AADACL4: variants seen among roughly 807,000 people sequenced by gnomAD.
AADACL4 encodes the protein arylacetamide deacetylase like 4.
A neutral mutation model predicts 14.1 loss-of-function variants in AADACL4; 9 were observed. The ratio of observed to expected loss-of-function variants is 0.64; its 90% CI spans 0.39 to 1.12. AADACL4 has a LOEUF of 1.12. Ranked by LOEUF, AADACL4 falls within the 50% of genes most tolerant of loss-of-function variation. The pLI is 0.01. For missense variants in AADACL4, 531 were observed against 516.1 expected, an observed-to-expected ratio of 1.03 and a Z score of -0.28; for synonymous variants, 188 against 201.6, an observed-to-expected ratio of 0.93 and a Z score of 0.57.
intron 1 of AADACL4, 37 bp downstream of exon 1, chr1:12,644,751 C>T (rs761601229): frequency 6.3e-7 from 1 of 1,599,886 alleles, no homozygotes; most frequent in South Asian, 1.1e-5. Flanking sequence ...AACCTGGGGG[C>T]TTCTTCTCTT....
intron 2 of AADACL4, among the ~76,000 whole-genome samples, chr1:12,651,641 A>G (rs1647148953): frequency 6.6e-6 from 1 of 151,854 alleles, no homozygotes; most frequent in Non-Finnish European, 1.5e-5. Flanking sequence ...ACTCCTAGTC[A>G]TTGGCCTGCC....
intron 1 of AADACL4, among the ~76,000 whole-genome samples, chr1:12,648,343 C>T (rs114967449): frequency 0.021 from 2,777 of 132,534 alleles, 86 homozygotes; most frequent in African/African-American, 0.08. Context: ...TTCTGGACCT[C>T]AGATCCTTCC....
At chr1:12,647,343 C>T (rs1007384115) in intron 1 of AADACL4, among the ~76,000 whole-genome samples, 1 of 152,174 alleles carries the variant, frequency 6.6e-6, no homozygotes, top group African/African-American at 2.4e-5. Flanking sequence ...AAGCAATCCT[C>T]CTGCCTTGGC....
intron 1 of AADACL4, among the ~76,000 whole-genome samples, chr1:12,646,678 C>T (rs1366106771): frequency 6.6e-6 from 1 of 152,200 alleles, no homozygotes; most frequent in African/African-American, 2.4e-5. Flanking sequence ...GTCAGTGTTT[C>T]TCCTCAAAAG....
intron 2 of AADACL4, among the ~76,000 whole-genome samples, chr1:12,659,433 C>T (rs75854823): frequency 0.039 from 5,858 of 152,142 alleles, 365 homozygotes; most frequent in African/African-American, 0.13. Context: ...AGGTGAGGGC[C>T]GGGGCTAGAG....
In AADACL4 at chr1:12,644,686, A is replaced by G. The variant is rs1238718904; in HGVS notation, c.140A>G (p.His47Arg). Residue 47 changes from histidine to arginine, a missense_variant, in exon 1 of 4, where the codon CAT (histidine) becomes CGT (arginine). Physicochemically the swap from His to Arg is conservative, Grantham distance 29. Transcript: ENST00000376221. Reference protein sequence around the residue: ...LQHPAKLRFLHCIFLYLVTLG... With the variant: ...LQHPAKLRFLRCIFLYLVTLG... The stretch of plus-strand genomic sequence containing the variant: ...CATCCTGCCAAGTTGAGATTCCTGC[A>G]TTGCATATTCCTCTACCTGGTCACT... 1 of 1,613,900 alleles carries G rather than the reference A, an allele frequency of 6.2e-7. No homozygotes were observed. The highest frequency in any genetic ancestry group is 1.3e-5 in the African/African-American group (1 of 74,882).
Position 12,666,835 on chromosome 1 carries a change from A to G in AADACL4, c.*100A>G, listed in dbSNP as rs1647352772. 3.3e-5 allele frequency: 42 copies of G among 1,255,036 alleles called. No individual in the cohort carries two copies. The South Asian group carries it at 5.6e-4, about 17-fold the overall frequency. The allele number at this position is 1,255,036 out of a possible 1,614,324, so 77.7% of individuals were successfully genotyped here. A position where few individuals can be genotyped will look rare whatever the true frequency, so the allele number is the denominator to read the frequency against. On this transcript the variant is annotated 3_prime_UTR_variant, in exon 4 of 4. Coordinates refer to ENST00000376221, the MANE Select transcript of AADACL4 (RefSeq NM_001013630.2). ...ATTTTATTGACTAAAGAGGTGCTAC[A>G]TCAATGCTTGGGGCAGCTGGGAAGG...
rs781458032 is a variant in AADACL4 at position 12,665,942 on chromosome 1, C to G, written c.450-19C>G. On this transcript the variant is annotated intron_variant, in intron 3 of 3. Coordinates refer to ENST00000376221, the MANE Select transcript of AADACL4 (RefSeq NM_001013630.2). ...CACTGTCCACACTGGTGTAGTGTTG[C>G]TCCCTGTTTTCGTTTTAGGTACCGC... 9.4e-6 allele frequency: 15 copies of G among 1,589,036 alleles called. No individual in the cohort carries two copies. In the East Asian group the frequency reaches 2.9e-4, roughly 31 times the overall value.
At chr1:12,651,039 C>G (rs544917975) in intron 1 of AADACL4, 84 bp from the exon 2 acceptor site, 6 of 1,355,566 alleles carry the variant, frequency 4.4e-6, no homozygotes, top group Non-Finnish European at 6.3e-6. Flanking sequence ...GTGAAAACAT[C>G]CTAACAATTC....
Position 12,644,643 on chromosome 1 carries a change from A to T in AADACL4, c.97A>T (p.Ile33Phe). Residue 33 changes from isoleucine (I) to phenylalanine (F), a missense_variant, in exon 1 of 4, where the codon ATC becomes TTC. Transcript: ENST00000376221. The part of the protein sequence containing the change: ...AVFEHFLTTD[I>F]PATLQHPAKL... ...CTTTGAGCACTTCCTCACCACGGATATCCCTGCTACCTTGCAGCATCCTGC... is the reference window on the plus strand; with the variant it reads ...CTTTGAGCACTTCCTCACCACGGATTTCCCTGCTACCTTGCAGCATCCTGC... 1 of 1,614,114 alleles carries T rather than the reference A, an allele frequency of 6.2e-7. No homozygotes were observed. Among genetic ancestry groups the T allele is most frequent in the Non-Finnish European group, 8.5e-7 (1 of 1,180,008 alleles).
In AADACL4 at chr1:12,665,856, A is replaced by T; in HGVS notation, c.450-105A>T. 21 of 1,241,778 alleles carry T rather than the reference A, an allele frequency of 1.7e-5. No individual in the cohort carries two copies. The South Asian group carries it at 3.2e-4, about 19-fold the overall frequency. 76.9% of individuals were successfully genotyped at this position (1,241,778 alleles called of 1,614,324 possible). ...CTTATTTCATAGGGTTATTCTGAGG[A>T]TTTAATCAGATATAGTCTTGTAAGG... On this transcript the variant is annotated intron_variant, in intron 3 of 3. Coordinates refer to ENST00000376221, the MANE Select transcript of AADACL4 (RefSeq NM_001013630.2).
chr1:12,666,645 A>G lies in AADACL4; in HGVS notation c.1134A>G (p.Gly378=). The change falls in exon 4 of 4, where the codon GGA becomes GGG. Residue 378 remains glycine, a synonymous_variant. Transcript: ENST00000376221. The part of the protein sequence containing the change: ...TWYHLYDGFH[G]SIIFFDKKAL... ...ACCACCTGTATGATGGTTTTCACGG[A>G]TCCATTATCTTTTTTGATAAGAAGG... The G allele has an allele frequency of 6.2e-7, 1 of 1,614,136 alleles. No homozygotes were observed. Among genetic ancestry groups the G allele is most frequent in the Non-Finnish European group, 8.5e-7 (1 of 1,180,026 alleles).
chr1:12,661,069 G>A (rs1647223047), intron 2 of AADACL4, among the ~76,000 whole-genome samples: 1 of 152,172 alleles, frequency 6.6e-6, no homozygotes, highest in Admixed American at 6.5e-5. Context: ...GCTCCATTCA[G>A]AACCATTGTC....
At chr1:12,655,619 C>G (rs938198790) in intron 2 of AADACL4, among the ~76,000 whole-genome samples, 3 of 152,008 alleles carry the variant, frequency 2.0e-5, no homozygotes, top group Admixed American at 6.6e-5. Context: ...TCACCAACGA[C>G]TGAAGCCTCC....
intron 2 of AADACL4, among the ~76,000 whole-genome samples, chr1:12,656,423 G>A (rs1386648667): frequency 6.6e-6 from 1 of 152,194 alleles, no homozygotes; most frequent in African/African-American, 2.4e-5. Context: ...AGGGCAAGCT[G>A]TGGGCCTGCA....
intron 1 of AADACL4, among the ~76,000 whole-genome samples, chr1:12,649,775 T>C (rs1647134361): frequency 6.6e-6 from 1 of 152,206 alleles, no homozygotes; most frequent in Non-Finnish European, 1.5e-5. Flanking sequence ...GCTTCTCATT[T>C]TGGGAAGCTC....
intron 1 of AADACL4, among the ~76,000 whole-genome samples, chr1:12,648,147 T>G (rs1052015492): frequency 1.3e-5 from 2 of 151,840 alleles, no homozygotes; most frequent in Non-Finnish European, 2.9e-5. Context: ...ATTTTTTGTA[T>G]TTTTAGTAGA....
chr1:12,648,770 C>A (rs1376334502), intron 1 of AADACL4, among the ~76,000 whole-genome samples: 1 of 152,102 alleles, frequency 6.6e-6, no homozygotes, highest in African/African-American at 2.4e-5. Flanking sequence ...GTTTTCCTCT[C>A]TGCCTCTGTC....
At chr1:12,665,937 T>C (rs1647315330) in intron 3 of AADACL4, 24 bp from the exon 4 acceptor site, 1 of 1,585,578 alleles carries the variant, frequency 6.3e-7, no homozygotes, top group South Asian at 1.2e-5. Flanking sequence ...ACTGGTGTAG[T>C]GTTGCTCCCT....
Sources: gnomAD v4.1 joint callset for allele counts (sites outside exome capture counted in the v4.1 genomes callset) on GRCh38, gnomAD v4.1.1 for gene constraint, MANE v1.5 for transcripts, NCBI Gene and HGNC (gene_info 2026-07-23, HGNC 2026-07-21) for gene names.